Variants in WDR70 observed in about 807,000 individuals in gnomAD.
WDR70 encodes WD repeat-containing protein 70.
In WDR70, 53 loss-of-function variants were observed where a neutral mutation model predicts 88.6. The observed-to-expected ratio is 0.60, with a 90% CI of 0.48 to 0.75. WDR70 has a LOEUF of 0.75. Ranked by LOEUF, WDR70 falls within the 30% of genes least tolerant of loss-of-function variation. WDR70 has a pLI of 0.00. For synonymous variants in WDR70, 280 were observed against 270.0 expected (o/e 1.04, Z -0.36); for missense variants, 610 against 823.2 (o/e 0.74, Z 3.17).
chr5:37,725,305 A>G (rs1009011945), intron 16 of WDR70, among the ~76,000 whole-genome samples: 3 of 151,994 alleles, frequency 2.0e-5, no homozygotes, highest in African/African-American at 4.8e-5. Context: ...GTCTCCAACT[A>G]GAGTTTTCCT....
chr5:37,473,821 G>T (rs1209075327), intron 7 of WDR70, among the ~76,000 whole-genome samples: 1 of 151,952 alleles, frequency 6.6e-6, no homozygotes, highest in Non-Finnish European at 1.5e-5. Flanking sequence ...TATATTGCTG[G>T]ATTCCATCTG....
At chr5:37,599,195 T>C (rs1743790777) in intron 9 of WDR70, among the ~76,000 whole-genome samples, 1 of 152,216 alleles carries the variant, frequency 6.6e-6, no homozygotes, top group Admixed American at 6.5e-5. Flanking sequence ...TATTAAGATA[T>C]TAAAATTCAC....
chr5:37,576,252 C>A (rs1439596418), intron 9 of WDR70, among the ~76,000 whole-genome samples: 1 of 151,478 alleles, frequency 6.6e-6, no homozygotes, highest in Admixed American at 6.6e-5. Flanking sequence ...TCATGTTACA[C>A]TGTGCTCCAG....
intron 17 of WDR70, among the ~76,000 whole-genome samples, chr5:37,728,990 G>A (rs1486731433): frequency 6.6e-6 from 1 of 151,930 alleles, no homozygotes; most frequent in Non-Finnish European, 1.5e-5. Context: ...ATATTGGTAT[G>A]GTCTCTTACA....
chr5:37,747,627 C>T (rs1274931286), intron 17 of WDR70, among the ~76,000 whole-genome samples: 4 of 152,116 alleles, frequency 2.6e-5, no homozygotes, highest in African/African-American at 4.8e-5. Flanking sequence ...TCCTATTCAA[C>T]GTAGTATTGG....
At chr5:37,578,093 C>T (rs1245464223) in intron 9 of WDR70, among the ~76,000 whole-genome samples, 1 of 152,148 alleles carries the variant, frequency 6.6e-6, no homozygotes, top group East Asian at 1.9e-4. Context: ...ATTTGGCAGC[C>T]AGGCAGTCAT....
chr5:37,470,088 A>C (rs1739278061), intron 7 of WDR70, among the ~76,000 whole-genome samples: 1 of 151,912 alleles, frequency 6.6e-6, no homozygotes, highest in Admixed American at 6.6e-5. Flanking sequence ...ACATTATTAA[A>C]AACTGAAGGA....
rs557176212 is a variant in WDR70 at position 37,694,700 on chromosome 5, G to C, written c.1093-2955G>C. On this transcript the variant is annotated intron_variant, in intron 10 of 17. Transcript: ENST00000265107. ...ATCACACACTGGGGCCTGTTGGGGG[G>C]TGTGGGACTGGGGGAGGGATAGCAT... is the stretch of plus-strand genomic sequence containing the variant. 5.3e-5 allele frequency among the ~76,000 whole-genome samples: 8 copies of C among 151,830 alleles called. No homozygotes were observed. In the South Asian group the frequency reaches 1.5e-3, roughly 28 times the overall value.
intron 10 of WDR70, among the ~76,000 whole-genome samples, chr5:37,616,781 A>G (rs1174078116): frequency 6.6e-6 from 1 of 152,232 alleles, no homozygotes; most frequent in African/African-American, 2.4e-5. Flanking sequence ...TGAGCATGAC[A>G]TATTAATAAA....
chr5:37,618,321 C>T (rs1437593594), intron 10 of WDR70, among the ~76,000 whole-genome samples: 2 of 152,028 alleles, frequency 1.3e-5, no homozygotes, highest in Non-Finnish European at 1.5e-5. Flanking sequence ...TGAATTTAGT[C>T]AAAATATAAA....
chr5:37,505,526 T>A (rs1330047591), intron 8 of WDR70, among the ~76,000 whole-genome samples: 1 of 152,146 alleles, frequency 6.6e-6, no homozygotes, highest in Non-Finnish European at 1.5e-5. Context: ...AAAAAGTCAA[T>A]TTTTTCCCTT....
At chr5:37,475,471 C>T (rs1303934898) in intron 7 of WDR70, among the ~76,000 whole-genome samples, 1 of 152,136 alleles carries the variant, frequency 6.6e-6, no homozygotes, top group Admixed American at 6.6e-5. Context: ...CTCCCTATCT[C>T]AGGTGATCCA....
chr5:37,541,573 G>GT (rs749949013), intron 9 of WDR70, among the ~76,000 whole-genome samples: 7 of 151,918 alleles, frequency 4.6e-5, no homozygotes, highest in Non-Finnish European at 1.0e-4. Flanking sequence ...GAAAAATAAT[G>GT]TTTTTTTTCC....
At chr5:37,503,162 T>A (rs946980710) in intron 8 of WDR70, among the ~76,000 whole-genome samples, 4 of 152,192 alleles carry the variant, frequency 2.6e-5, no homozygotes, top group African/African-American at 9.7e-5. Flanking sequence ...TTTTTTTGGT[T>A]ACATTTTTTC....
At chr5:37,696,014 G>A (rs778543570) in intron 10 of WDR70, among the ~76,000 whole-genome samples, 20 of 152,132 alleles carry the variant, frequency 1.3e-4, no homozygotes, top group Non-Finnish European at 2.8e-4. Context: ...GTTTGGGTTA[G>A]GACCTTCTCA....
At chr5:37,526,639 G>A (rs757086817) in intron 9 of WDR70, among the ~76,000 whole-genome samples, 1 of 152,142 alleles carries the variant, frequency 6.6e-6, no homozygotes, top group Non-Finnish European at 1.5e-5. Flanking sequence ...CCAGGGCAAT[G>A]AGGCAGGAGA....
At chr5:37,384,880 G>A (rs954677402) in intron 3 of WDR70, among the ~76,000 whole-genome samples, 6 of 151,904 alleles carry the variant, frequency 3.9e-5, no homozygotes, top group Non-Finnish European at 8.8e-5. Flanking sequence ...TTCTGACACC[G>A]TCTGCCTGGA....
intron 5 of WDR70, among the ~76,000 whole-genome samples, chr5:37,424,548 G>C (rs1750062292): frequency 6.6e-6 from 1 of 151,542 alleles, no homozygotes; most frequent in African/African-American, 2.4e-5. Flanking sequence ...GAAACTACAA[G>C]TGCGCACCAC....
chr5:37,487,600 AAT>A (rs70978824), intron 8 of WDR70, among the ~76,000 whole-genome samples: 4,483 of 84,696 alleles, frequency 0.053, 282 homozygotes, highest in African/African-American at 0.15. Context: ...TGTATATATA[AAT>A]ATATATATAT....
Sources: allele counts gnomAD v4.1 joint callset (sites outside exome capture counted in the v4.1 genomes callset), GRCh38; gene constraint gnomAD v4.1.1; transcripts MANE v1.5; gene names NCBI Gene and HGNC (gene_info 2026-07-23, HGNC 2026-07-21).